Variants in PACRG observed in about 807,000 individuals in gnomAD.
PACRG encodes parkin coregulated gene protein.
PACRG carries 29 observed loss-of-function variants against 29.7 expected under a neutral mutation model. That is an observed-to-expected ratio of 0.98 (90% confidence interval 0.73 to 1.33). The LOEUF is 1.33. PACRG is among the 40% of genes most tolerant of loss of function. The pLI, the probability that PACRG is intolerant of heterozygous loss-of-function variation, is 0.00. For missense variants in PACRG, 279 were observed against 316.2 expected (o/e 0.88, Z 0.89); for synonymous variants, 116 against 118.7 (o/e 0.98, Z 0.15).
At chr6:162,842,695 T>A (rs866850279) in intron 2 of PACRG, among the ~76,000 whole-genome samples, 12 of 125,558 alleles carry the variant, frequency 9.6e-5, no homozygotes, top group Admixed American at 8.3e-5. Context: ...CTAGTCTCGA[T>A]GGTCTTTACA....
rs143669604 is a variant in PACRG at position 162,825,321 on chromosome 6, A to G, written c.291+11040A>G. Among the ~76,000 whole-genome samples the G allele has an allele frequency of 5.0e-3, 754 of 152,316 alleles. 5 individuals carry two copies. The highest frequency in any genetic ancestry group is 0.017 in the African/African-American group (709 of 41,580). On this transcript the variant is annotated intron_variant, in intron 2 of 4. Transcript: ENST00000366888. Reference sequence around the variant, plus strand: ...TTTAAGTCTGAAGACTTCTGGAGTCATGATTAAATACGAGCTGGGCTTTCT... The same window carrying G: ...TTTAAGTCTGAAGACTTCTGGAGTCGTGATTAAATACGAGCTGGGCTTTCT...
intron 4 of PACRG, among the ~76,000 whole-genome samples, chr6:163,125,076 C>T (rs1004537198): frequency 7.2e-5 from 11 of 151,932 alleles, no homozygotes; most frequent in Admixed American, 4.6e-4. Flanking sequence ...AACAGTAGAG[C>T]GTTCAGAAAA....
At chr6:163,314,769 G>C (rs1785581369) in intron 4 of PACRG, 58 bp from the exon 5 acceptor site, 4 of 1,581,924 alleles carry the variant, frequency 2.5e-6, no homozygotes, top group Admixed American at 3.6e-5. Context: ...GACTGTGTAG[G>C]ACTTTTCGGG....
At chr6:162,904,459 A>C (rs1011351190) in intron 2 of PACRG, among the ~76,000 whole-genome samples, 1 of 152,196 alleles carries the variant, frequency 6.6e-6, no homozygotes, top group Non-Finnish European at 1.5e-5. Context: ...ACGTGGAGTG[A>C]GGGAGCGAGG....
intron 4 of PACRG, among the ~76,000 whole-genome samples, chr6:163,217,540 C>CGGGGT (rs1283819726): frequency 2.0e-5 from 3 of 152,212 alleles, no homozygotes; most frequent in African/African-American, 4.8e-5. Context: ...TAGGGGTCCC[C>CGGGGT]AGCCCCCGGG....
At chr6:162,834,904 T>C (rs909719632) in intron 2 of PACRG, among the ~76,000 whole-genome samples, 17 of 152,222 alleles carry the variant, frequency 1.1e-4, no homozygotes, top group Non-Finnish European at 2.2e-4. Context: ...AAAGGGGTTT[T>C]CCTGATTTAC....
chr6:162,838,392 G>A (rs1049563004), intron 2 of PACRG, among the ~76,000 whole-genome samples: 3 of 152,088 alleles, frequency 2.0e-5, no homozygotes, highest in African/African-American at 7.2e-5. Context: ...TATGAGGGAC[G>A]TTTATGGTCC....
intron 2 of PACRG, among the ~76,000 whole-genome samples, chr6:162,882,259 G>C (rs1793954490): frequency 6.8e-6 from 1 of 146,172 alleles, no homozygotes; most frequent in South Asian, 2.2e-4. Flanking sequence ...AGATCCAGGG[G>C]GCTCTCTCCA....
intron 1 of PACRG, among the ~76,000 whole-genome samples, chr6:162,768,584 A>G (rs1054741431): frequency 1.3e-5 from 2 of 152,054 alleles, no homozygotes; most frequent in Non-Finnish European, 2.9e-5. Flanking sequence ...TCTGCTCTAG[A>G]TATTTTATAT....
intron 4 of PACRG, among the ~76,000 whole-genome samples, chr6:163,283,016 T>C (rs1784271831): frequency 6.6e-6 from 1 of 152,266 alleles, no homozygotes; most frequent in East Asian, 1.9e-4. Flanking sequence ...TTTTTACTAC[T>C]GATTCTTGGC....
At chr6:162,758,879 G>C (rs2128288412) in intron 1 of PACRG, among the ~76,000 whole-genome samples, 1 of 152,162 alleles carries the variant, frequency 6.6e-6, no homozygotes, top group South Asian at 2.1e-4. Flanking sequence ...ATACATTTCT[G>C]AAGTCTTGAA....
At chr6:162,906,251 A>G (rs140324287) in intron 2 of PACRG, among the ~76,000 whole-genome samples, 50 of 152,256 alleles carry the variant, frequency 3.3e-4, no homozygotes, top group African/African-American at 1.2e-3. Context: ...GGAAACATGT[A>G]AATGTCAATT....
chr6:162,958,821 T>G (rs1800281060), intron 2 of PACRG, among the ~76,000 whole-genome samples: 2 of 140,782 alleles, frequency 1.4e-5, no homozygotes, highest in Non-Finnish European at 3.0e-5. Context: ...AGAGCATATA[T>G]AGAGTGTATA....
chr6:162,738,480 A>T (rs1462732148), intron 1 of PACRG, among the ~76,000 whole-genome samples: 1 of 152,214 alleles, frequency 6.6e-6, no homozygotes, highest in Non-Finnish European at 1.5e-5. Flanking sequence ...ATGCAGAGTG[A>T]CACAGAGTAA....
intron 1 of PACRG, among the ~76,000 whole-genome samples, chr6:162,767,583 G>T (rs1782898414): frequency 6.6e-6 from 1 of 151,276 alleles, no homozygotes; most frequent in Admixed American, 6.6e-5. Context: ...TAGAAAATAA[G>T]TTGGGTTTCA....
rs1554238854 is a variant in PACRG at position 163,274,861 on chromosome 6, C to CTTTCTTT, written c.614-39963_614-39962insCTTTTTT. On this transcript the variant is annotated intron_variant, in intron 4 of 4. Coordinates refer to ENST00000366888, the MANE Select transcript of PACRG (RefSeq NM_001080379.2). ...TTCTTTTTCTTTTCTTTCTTTCTTTCTTTTTTTTTTTTTTTTGAGATAGAG... is the reference window on the plus strand; with the variant it reads ...TTCTTTTTCTTTTCTTTCTTTCTTTCTTTCTTTTTTTTTTTTTTTTTTTGAGATAGAG... Among the ~76,000 whole-genome samples the CTTTCTTT allele has an allele frequency of 8.1e-3, 1,022 of 126,320 alleles. 18 individuals are homozygous for CTTTCTTT. The highest frequency in any genetic ancestry group is 0.03 in the African/African-American group (985 of 33,272). The allele number at this position is 126,320 out of a possible 152,430, so 82.9% of individuals were successfully genotyped here.
rs77687847 is a variant in PACRG at position 163,167,105 on chromosome 6, G to A, written c.613+77697G>A. Among the ~76,000 whole-genome samples, 1,312 of 152,252 alleles carry A rather than the reference G, an allele frequency of 8.6e-3. 17 individuals are homozygous for A. The highest frequency in any genetic ancestry group is 0.03 in the African/African-American group (1,250 of 41,550). On this transcript the variant is annotated intron_variant, in intron 4 of 4. Transcript: ENST00000366888. ...CTGTTAATCTCTATTGCAAAAGGAG[G>A]GCTAAAATGTCTGCACAATCAAAAA...
intron 2 of PACRG, among the ~76,000 whole-genome samples, chr6:162,837,767 CAT>C (rs1229860560): frequency 1.3e-5 from 2 of 152,062 alleles, no homozygotes; most frequent in Admixed American, 1.3e-4. Context: ...CACCTCAGCA[CAT>C]GTTTTAAAAA....
At chr6:163,125,696 G>T (rs1816486667) in intron 4 of PACRG, among the ~76,000 whole-genome samples, 1 of 152,158 alleles carries the variant, frequency 6.6e-6, no homozygotes, top group African/African-American at 2.4e-5. Context: ...CCAAGGAAAT[G>T]GACATTCTTG....
Sources: gnomAD v4.1 joint callset for allele counts (sites outside exome capture counted in the v4.1 genomes callset) on GRCh38, gnomAD v4.1.1 for gene constraint, MANE v1.5 for transcripts, NCBI Gene and HGNC (gene_info 2026-07-23, HGNC 2026-07-21) for gene names.